MOK: variants seen among roughly 807,000 people sequenced by gnomAD.
MOK encodes the protein MAPK/MAK/MRK overlapping kinase.
In MOK, 59 loss-of-function variants were observed where a neutral mutation model predicts 54.2. The ratio of observed to expected loss-of-function variants is 1.09; its 90% CI spans 0.88 to 1.35. MOK has a LOEUF of 1.35. MOK is among the 40% of genes most tolerant of loss of function. The pLI, the probability that MOK is intolerant of heterozygous loss-of-function variation, is 0.00. For synonymous variants in MOK, 210 were observed against 202.7 expected (o/e 1.04, Z -0.31); for missense variants, 517 against 526.2 (o/e 0.98, Z 0.17).
At chr14:102,224,415 C>T (rs763557660), downstream of MOK, 98 of 371,984 alleles carry the variant, frequency 2.6e-4, 2 homozygotes, top group Admixed American at 4.1e-4. Context: ...ACCTGCTCAG[C>T]GAGTTACTGG....
Position 102,235,727 on chromosome 14 carries a change from G to A in MOK, c.591-1938C>T, listed in dbSNP as rs927215714. 3.9e-5 allele frequency among the ~76,000 whole-genome samples: 6 copies of A among 152,122 alleles called. No individual in the cohort carries two copies. The highest frequency in any genetic ancestry group is 2.1e-4 in the South Asian group (1 of 4,826). ...TACACGCGTGTCGATCCCGCCTCCC[G>A]GGAAGGAACTATTGTTCTTTACATC... is the stretch of plus-strand genomic sequence containing the variant. On this transcript the variant is annotated intron_variant, in intron 7 of 11. Coordinates refer to ENST00000361847, the MANE Select transcript of MOK (RefSeq NM_014226.3). The surrounding 1 kb of genome is among the most constrained non-coding windows in gnomAD (Gnocchi z 4.4).
intron 7 of MOK, among the ~76,000 whole-genome samples, chr14:102,242,909 C>T (rs2153099772): frequency 6.6e-6 from 1 of 152,258 alleles, no homozygotes; most frequent in South Asian, 2.1e-4. Flanking sequence ...ACGCTTCATC[C>T]CAGCCACTCT....
chr14:102,239,981 G>A (rs1400638659), intron 7 of MOK, among the ~76,000 whole-genome samples: 1 of 152,178 alleles, frequency 6.6e-6, no homozygotes, highest in East Asian at 1.9e-4. Context: ...GCCCAAGCCT[G>A]CAGTATACAT....
rs1247811662 is a variant in MOK at position 102,236,213 on chromosome 14, G to A, written c.591-2424C>T. Among the ~76,000 whole-genome samples the A allele has an allele frequency of 4.6e-5, 7 of 152,214 alleles. No homozygotes were observed. The highest frequency in any genetic ancestry group is 1.9e-4 in the East Asian group (1 of 5,192). ...ATTCCCGCAGCTCCTCAGCCTAGCC[G>A]CTGAGGACTGACCGGGCCCAGGGCC... On this transcript the variant is annotated intron_variant, in intron 7 of 11. Coordinates refer to ENST00000361847, the MANE Select transcript of MOK (RefSeq NM_014226.3). This position sits in a 1 kb window ranked among gnomAD's most constrained non-coding sequence, Gnocchi z 4.5.
At chr14:102,215,520 G>A in the MOK span, among the ~76,000 whole-genome samples, 1 of 152,146 alleles carries the variant, frequency 6.6e-6, no homozygotes, top group Non-Finnish European at 1.5e-5. Flanking sequence ...TTGTTACATA[G>A]GGATGCATGT....
At chr14:102,248,047 C>T (rs1375514933) in intron 7 of MOK, among the ~76,000 whole-genome samples, 1 of 152,218 alleles carries the variant, frequency 6.6e-6, no homozygotes, top group Non-Finnish European at 1.5e-5. Context: ...GCTCCAAGAA[C>T]GGCAGTCCCT....
At chr14:102,252,976 T>C (rs962372275) in intron 4 of MOK, among the ~76,000 whole-genome samples, 1 of 152,228 alleles carries the variant, frequency 6.6e-6, no homozygotes, top group Non-Finnish European at 1.5e-5. Flanking sequence ...TCTATAAACA[T>C]GGTGGAGACA....
chr14:102,264,801 G>C (rs764097861), intron 3 of MOK: 1 of 151,868 alleles, frequency 6.6e-6, no homozygotes, highest in Admixed American at 6.5e-5. Context: ...AGTTTAACTG[G>C]AGTTCCTTGG....
downstream of MOK, chr14:102,222,823 T>C: frequency 1.2e-6 from 2 of 1,614,196 alleles, no homozygotes; most frequent in Non-Finnish European, 1.7e-6. This position sits in a 1 kb window ranked among gnomAD's most constrained non-coding sequence, Gnocchi z 4.4. Flanking sequence ...GACTGCTTTG[T>C]TTGCAGGGCT....
At chr14:102,294,182 C>G (rs1341968856) in intron 1 of MOK, among the ~76,000 whole-genome samples, 2 of 151,190 alleles carry the variant, frequency 1.3e-5, no homozygotes, top group Non-Finnish European at 2.9e-5. Context: ...TGCGGTGGCT[C>G]ATGCCTGTAA....
intron 1 of MOK, among the ~76,000 whole-genome samples, chr14:102,298,939 C>G (rs746362051): frequency 5.9e-5 from 9 of 152,108 alleles, no homozygotes; most frequent in Non-Finnish European, 1.0e-4. Flanking sequence ...CGAAGGTCTG[C>G]AGCTTCACTC....
At chr14:102,269,109 A>G (rs927666095) in intron 2 of MOK, among the ~76,000 whole-genome samples, 11 of 152,134 alleles carry the variant, frequency 7.2e-5, no homozygotes, top group Non-Finnish European at 1.6e-4. Context: ...ACTACTACTT[A>G]TGATTTCATG....
intron 1 of MOK, among the ~76,000 whole-genome samples, chr14:102,303,035 C>A (rs1468884438): frequency 6.6e-6 from 1 of 151,730 alleles, no homozygotes. Context: ...GTGGTGCACA[C>A]CTGTAATCTC....
chr14:102,274,481 C>T (rs999534137), intron 2 of MOK, among the ~76,000 whole-genome samples: 1 of 151,516 alleles, frequency 6.6e-6, no homozygotes, highest in African/African-American at 2.4e-5. Flanking sequence ...GTCTTGAACT[C>T]CTGGGCTCAA....
downstream of MOK, chr14:102,228,811 G>A (rs1309530366): frequency 1.3e-5 from 2 of 156,540 alleles, no homozygotes; most frequent in Non-Finnish European, 2.8e-5. Flanking sequence ...GACACATGTT[G>A]GACTCGGAAA....
intron 2 of MOK, among the ~76,000 whole-genome samples, chr14:102,273,280 C>CA (rs760362999): frequency 0.024 from 2,170 of 89,602 alleles, 14 homozygotes; most frequent in Non-Finnish European, 0.027. Context: ...CATACTAGAA[C>CA]AAAAAAAAAA....
rs759037593 is a variant in MOK, at chr14:102,229,263, G to A, written c.*26C>T. 10 of 1,564,326 alleles carry A rather than the reference G, an allele frequency of 6.4e-6. No homozygotes were observed. The highest frequency in any genetic ancestry group is 3.6e-5 in the South Asian group (3 of 82,372). On this transcript the variant is annotated 3_prime_UTR_variant, in exon 12 of 12. Coordinates refer to ENST00000361847, the MANE Select transcript of MOK (RefSeq NM_014226.3). ...CCCGGTCGGGCTTGGTGTTGCCTCC[G>A]AAGTCGAGACGACGGTGCTGCTCAG...
chr14:102,284,968 G>A (rs961687905), intron 1 of MOK, among the ~76,000 whole-genome samples: 13 of 151,750 alleles, frequency 8.6e-5, no homozygotes, highest in African/African-American at 1.2e-4. Flanking sequence ...CTGTAGTCCC[G>A]GCCACTTGGG....
chr14:102,300,094 C>G (rs778264945), intron 1 of MOK, among the ~76,000 whole-genome samples: 2 of 151,966 alleles, frequency 1.3e-5, no homozygotes, highest in African/African-American at 4.8e-5. Context: ...GAGGCCAAGG[C>G]GGGCAGATTG....
Sources: gnomAD v4.1 joint callset for allele counts (sites outside exome capture counted in the v4.1 genomes callset) on GRCh38, gnomAD v4.1.1 for gene constraint, Gnocchi (gnomAD v3.1) non-coding constraint, MANE v1.5 for transcripts, NCBI Gene and HGNC (gene_info 2026-07-23, HGNC 2026-07-21) for gene names.